RTTN: variants seen among roughly 807,000 people sequenced by gnomAD.
RTTN encodes the protein rotatin.
Under a neutral mutation model 269.2 loss-of-function variants are expected in RTTN, and 182 were observed. The observed-to-expected ratio is 0.68, with a 90% confidence interval of 0.60 to 0.76. The LOEUF (loss-of-function observed/expected upper bound fraction) is 0.76. Among genes scored for constraint, RTTN ranks in the 30% least tolerant of loss-of-function variants. The pLI is 0.00. For missense variants in RTTN, 2,545 were observed against 2,608.6 expected (o/e 0.98, Z 0.53); for synonymous variants, 1,006 against 963.5 (o/e 1.04, Z -0.82).
intron 39 of RTTN, among the ~76,000 whole-genome samples, chr18:70,051,047 C>T (rs2057651091): frequency 6.6e-6 from 1 of 152,116 alleles, no homozygotes; most frequent in South Asian, 2.1e-4. Context: ...AAAAAACCTG[C>T]ACGTTCTGCA....
At chr18:70,109,130 C>T (rs1244136912) in intron 28 of RTTN, among the ~76,000 whole-genome samples, 1 of 151,994 alleles carries the variant, frequency 6.6e-6, no homozygotes, top group Non-Finnish European at 1.5e-5. Flanking sequence ...CTGAGTATGC[C>T]GTATACAAAA....
intron 26 of RTTN, among the ~76,000 whole-genome samples, chr18:70,118,482 T>C (rs533780125): frequency 1.3e-5 from 2 of 152,210 alleles, no homozygotes; most frequent in South Asian, 4.1e-4. Flanking sequence ...AAGACCTGAT[T>C]GATGGCTTCA....
chr18:70,187,216 T>C (rs181504981), intron 10 of RTTN, among the ~76,000 whole-genome samples: 52 of 152,246 alleles, frequency 3.4e-4, no homozygotes, highest in Non-Finnish European at 6.0e-4. Context: ...CACGTATAGA[T>C]AGATAGGGAA....
rs541809185 is a variant in RTTN, at chr18:70,098,091, TA to T, written c.3904-5288del. On this transcript the variant is annotated intron_variant, in intron 28 of 48. Transcript: ENST00000640769. ...CTAGGTACTTATAGGTTCAATTATA[TA>T]TTTTTTTTAATTTTTAAACTTTTAG... 9.0e-4 allele frequency among the ~76,000 whole-genome samples: 137 copies of T among 152,328 alleles called. 1 individual carries two copies. The Middle Eastern group carries it at 0.024, about 26-fold the overall frequency.
intron 10 of RTTN, among the ~76,000 whole-genome samples, chr18:70,184,989 T>C (rs1407482357): frequency 6.6e-6 from 1 of 152,042 alleles, no homozygotes; most frequent in Non-Finnish European, 1.5e-5. Context: ...AAGCCTTCAC[T>C]ATAAGCTACA....
Position 70,121,230 on chromosome 18 carries a change from C to T in RTTN, c.3528+326G>A, listed in dbSNP as rs375639153. ...CCATCTGGCTTTGTTAGCTAACTCT[C>T]AACATGCCTATCTGGACATCCACCC... On this transcript the variant is annotated intron_variant, in intron 26 of 48. Transcript: ENST00000640769. 5.3e-5 allele frequency among the ~76,000 whole-genome samples: 8 copies of T among 152,192 alleles called. No homozygotes were observed. The South Asian group carries it at 1.0e-3, about 20-fold the overall frequency.
At position 70,128,478 on chromosome 18, in the gene RTTN, G is replaced by C. The variant is rs2059921185; in HGVS notation, c.3023C>G (p.Ser1008Cys). The stretch of plus-strand genomic sequence containing the variant: ...CGGCTTCAAGGCCAAACAATCAGCA[G>C]ATAAGGGCAAAACTATGGAGTAAGG... The part of the protein sequence containing the change: ...VSPYSIVLPL[S>C]ADCLALKPVS... The change falls in exon 24 of 49, where the codon TCT (serine) becomes TGT (cysteine). Residue 1008 changes from serine to cysteine, a missense_variant. Physicochemically the swap from Ser to Cys is moderately radical, Grantham distance 112 (BLOSUM62 -1). Coordinates refer to ENST00000640769, the MANE Select transcript of RTTN (RefSeq NM_173630.4). 6.2e-7 allele frequency: 1 copy of C among 1,613,252 alleles called. No homozygotes were observed. Among genetic ancestry groups the C allele is most frequent in the Non-Finnish European group, 8.5e-7 (1 of 1,179,512 alleles).
At chr18:70,018,230 T>C (rs2145506008) in intron 45 of RTTN, among the ~76,000 whole-genome samples, 1 of 152,336 alleles carries the variant, frequency 6.6e-6, no homozygotes, top group East Asian at 1.9e-4. Flanking sequence ...CGTCATTCTA[T>C]TATGCTTACA....
intron 40 of RTTN, among the ~76,000 whole-genome samples, chr18:70,043,960 T>C (rs2057417795): frequency 2.0e-5 from 3 of 152,072 alleles, no homozygotes; most frequent in Admixed American, 6.5e-5. Flanking sequence ...AACTAGCAAA[T>C]ACACAAAAAG....
chr18:70,198,127 A>G (rs377255378), intron 5 of RTTN, among the ~76,000 whole-genome samples: 15 of 152,238 alleles, frequency 9.9e-5, no homozygotes, highest in African/African-American at 3.4e-4. Context: ...ACAAAAGTAC[A>G]GAGGCAAATT....
At position 70,197,639 on chromosome 18, in the gene RTTN, C is replaced by A. The variant is rs774209050; in HGVS notation, c.678G>T (p.Arg226Ser). ...QDFPAEIFLQRPKIVQSLLSL... is the reference protein window; with the variant it reads ...QDFPAEIFLQSPKIVQSLLSL... ...GGGCACTGACCTGAACAATTTTTGG[C>A]CTTTGAAGGAAAATCTCAGCAGGAA... The change falls in exon 6 of 49, where the codon AGG becomes AGT. Residue 226 changes from arginine (R) to serine (S), a missense_variant. Transcript: ENST00000640769. 1 of 1,610,684 alleles carries A rather than the reference C, an allele frequency of 6.2e-7. No homozygotes were observed. Among genetic ancestry groups the A allele is most frequent in the South Asian group, 1.1e-5 (1 of 91,002 alleles).
rs17808334 is a variant in RTTN at position 70,199,399 on chromosome 18, C to A, written c.578+15G>T. On this transcript the variant is annotated intron_variant, in intron 5 of 48. Transcript: ENST00000640769. ...AAGTGAACAAAAATACCTGAAAATA[C>A]ATCAAGCACCGTACCTTTCATTAGA... The A allele has an allele frequency of 1.3e-6, 2 of 1,557,474 alleles. No homozygotes were observed. Among genetic ancestry groups the A allele is most frequent in the Non-Finnish European group, 1.8e-6 (2 of 1,129,938 alleles).
At chr18:70,102,746 A>G (rs146985141) in intron 28 of RTTN, among the ~76,000 whole-genome samples, 4,340 of 152,202 alleles carry the variant, frequency 0.029, 232 homozygotes, top group African/African-American at 0.099. Flanking sequence ...TTCCTTCAGG[A>G]GCTCTTGTAA....
chr18:70,150,478 G>A, intron 15 of RTTN, 130 bp downstream of exon 15: 1 of 798,170 alleles, frequency 1.3e-6, no homozygotes, highest in Non-Finnish European at 2.1e-6. Flanking sequence ...CACTTCAACT[G>A]AACCAATGCA....
Position 70,134,507 on chromosome 18 carries a change from A to C in RTTN, c.2920T>G (p.Ser974Ala). Residue 974 changes from serine to alanine, a missense_variant, in exon 23 of 49, where the codon TCG (serine) becomes GCG (alanine). Physicochemically the swap from Ser to Ala is moderately conservative, Grantham distance 99. Coordinates refer to ENST00000640769, the MANE Select transcript of RTTN (RefSeq NM_173630.4). Reference protein sequence around the residue: ...VNPSNKPSLPSVFSLPVSVFR... With the variant: ...VNPSNKPSLPAVFSLPVSVFR... ...ACGGAAACAGGCAAACTGAAGACCG[A>C]TGGCAAAGAAGGTTTATTGGAAGGA... 6.2e-7 allele frequency: 1 copy of C among 1,610,706 alleles called. No individual in the cohort carries two copies. Among genetic ancestry groups the C allele is most frequent in the Non-Finnish European group, 8.5e-7 (1 of 1,178,304 alleles).
intron 25 of RTTN, among the ~76,000 whole-genome samples, chr18:70,126,044 A>C (rs2059856572): frequency 1.3e-5 from 2 of 152,058 alleles, no homozygotes; most frequent in Admixed American, 1.3e-4. Flanking sequence ...TTATATATGC[A>C]TGTGTGTATA....
chr18:70,029,277 T>C (rs1273285795), intron 42 of RTTN, among the ~76,000 whole-genome samples: 1 of 152,114 alleles, frequency 6.6e-6, no homozygotes, highest in African/African-American at 2.4e-5. Context: ...AGTTATTACA[T>C]AGAGTGCTGC....
intron 28 of RTTN, among the ~76,000 whole-genome samples, chr18:70,095,458 A>C (rs2058976736): frequency 6.6e-6 from 1 of 152,118 alleles, no homozygotes; most frequent in Non-Finnish European, 1.5e-5. Flanking sequence ...TTCCATATTT[A>C]GTGCTTTCTT....
Position 70,188,107 on chromosome 18 carries a change from C to A in RTTN, c.1305+1G>T, listed in dbSNP as rs745628108. On this transcript the variant is annotated splice_donor_variant, in intron 10 of 48. Transcript: ENST00000640769. LOFTEE classifies it high-confidence loss of function. ...ATCCCAAAGAAAACATTGATTCTTACCATATCTATACCAAAAAGGCTGCTG... is the reference window on the plus strand; with the variant it reads ...ATCCCAAAGAAAACATTGATTCTTAACATATCTATACCAAAAAGGCTGCTG... 1 of 1,541,622 alleles carries A rather than the reference C, an allele frequency of 6.5e-7. No individual in the cohort carries two copies. Among genetic ancestry groups the A allele is most frequent in the Non-Finnish European group, 9.0e-7 (1 of 1,115,156 alleles).
Sources: allele counts gnomAD v4.1 joint callset (sites outside exome capture counted in the v4.1 genomes callset), GRCh38; gene constraint gnomAD v4.1.1; transcripts MANE v1.5; gene names NCBI Gene and HGNC (gene_info 2026-07-23, HGNC 2026-07-21).